The following PARP1 variants were observed in gnomAD, a reference collection of about 807,000 sequenced individuals.
PARP1 encodes the protein poly [ADP-ribose] polymerase 1.
Under a neutral mutation model 118.7 loss-of-function variants are expected in PARP1, and 44 were observed. That is an observed-to-expected ratio of 0.37 (90% confidence interval 0.29 to 0.48). PARP1 has a LOEUF of 0.48. Ranked by LOEUF, PARP1 falls within the 20% of genes least tolerant of loss-of-function variation. The pLI is 0.99. For missense variants in PARP1, 1,100 were observed against 1,272.4 expected (o/e 0.86, Z 2.06); for synonymous variants, 492 against 483.2 (o/e 1.02, Z -0.24).
chr1:226,397,703 T>A (rs1434940823), intron 2 of PARP1, among the ~76,000 whole-genome samples: 2 of 152,134 alleles, frequency 1.3e-5, no homozygotes, highest in Non-Finnish European at 2.9e-5. Context: ...TGCCGGCTTC[T>A]CCTCTGCCTT....
chr1:226,376,405 A>G (rs1244588158), intron 13 of PARP1, among the ~76,000 whole-genome samples: 1 of 152,214 alleles, frequency 6.6e-6, no homozygotes, highest in Non-Finnish European at 1.5e-5. Flanking sequence ...ACTAGGAAAT[A>G]ATTTGGGACT....
Position 226,379,469 on chromosome 1 carries a change from C to T in PARP1, c.1612+104G>A, listed in dbSNP as rs529477657. On this transcript the variant is annotated intron_variant, in intron 11 of 22. Coordinates refer to ENST00000366794, the MANE Select transcript of PARP1 (RefSeq NM_001618.4). Reference sequence around the variant, plus strand: ...GGCCTGAGTGAGGACAAAGGCACGACCACACTGCCCCAGGTATGCTGCGGG... The same window carrying T: ...GGCCTGAGTGAGGACAAAGGCACGATCACACTGCCCCAGGTATGCTGCGGG... The T allele has an allele frequency of 7.0e-6, 8 of 1,149,016 alleles. No individual in the cohort carries two copies. The East Asian group carries it at 1.2e-4, about 17-fold the overall frequency. 71.2% of individuals were successfully genotyped at this position (1,149,016 alleles called of 1,614,324 possible).
intron 1 of PARP1, among the ~76,000 whole-genome samples, chr1:226,405,214 A>T (rs1167803744): frequency 5.3e-5 from 8 of 152,260 alleles, no homozygotes; most frequent in Non-Finnish European, 1.0e-4. Flanking sequence ...TCACCATTAC[A>T]TAAAAATCAC....
At chr1:226,376,011 T>A (rs1442195088) in intron 13 of PARP1, among the ~76,000 whole-genome samples, 1 of 152,164 alleles carries the variant, frequency 6.6e-6, no homozygotes, top group Non-Finnish European at 1.5e-5. Context: ...TTAAAGTATT[T>A]AACTCAGTAA....
intron 3 of PARP1, among the ~76,000 whole-genome samples, chr1:226,391,206 C>T (rs1012798944): frequency 1.4e-4 from 21 of 151,998 alleles, no homozygotes; most frequent in African/African-American, 5.1e-4. Context: ...AGCAATACTC[C>T]TGCCTCAGCC....
rs920980615 is a variant in PARP1 at position 226,364,093 on chromosome 1, G to A, written c.2659-23C>T. On this transcript the variant is annotated intron_variant, in intron 19 of 22. Transcript: ENST00000366794. ...TGTCTGGAAGGTCGGAAAAGGGAGA[G>A]CTGAGAATCTTCTGATGGGAAATTA... The A allele has an allele frequency of 1.9e-6, 3 of 1,612,894 alleles. No individual in the cohort carries two copies. The African/African-American group carries it at 4.0e-5, about 22-fold the overall frequency.
At chr1:226,388,540 T>C in intron 5 of PARP1, 116 bp downstream of exon 5, 1 of 758,896 alleles carries the variant, frequency 1.3e-6, no homozygotes, top group Non-Finnish European at 2.4e-6. Context: ...ATAACTGCCA[T>C]CAATTTGCTA....
intron 2 of PARP1, among the ~76,000 whole-genome samples, chr1:226,399,443 C>G (rs1664985199): frequency 6.6e-6 from 1 of 151,990 alleles, no homozygotes; most frequent in South Asian, 2.1e-4. Context: ...CTGTATGATT[C>G]CAACTATATT....
intron 15 of PARP1, among the ~76,000 whole-genome samples, chr1:226,369,494 T>A (rs1365168932): frequency 1.3e-5 from 2 of 152,226 alleles, no homozygotes; most frequent in Non-Finnish European, 2.9e-5. Context: ...AAACTCTGCC[T>A]AACTCTTAAG....
chr1:226,376,797 C>T (rs559089708), intron 13 of PARP1, among the ~76,000 whole-genome samples: 1 of 152,288 alleles, frequency 6.6e-6, no homozygotes, highest in East Asian at 1.9e-4. Flanking sequence ...GTCTATGCTG[C>T]TGGATTCGGT....
rs1664833603 is a variant in PARP1 at position 226,392,220 on chromosome 1, C to G, written c.381G>C (p.Gly127=). Residue 127 remains glycine, a synonymous_variant, in exon 3 of 23, where the codon GGG becomes GGC. Transcript: ENST00000366794. ...TTACCTTTTCTATCTTCTCCATACA[C>G]CCCTTGCACGTACTTCTGTTGGACT... The part of the protein sequence containing the change: ...YAKSNRSTCK[G]CMEKIEKGQV... 1 of 1,612,294 alleles carries G rather than the reference C, an allele frequency of 6.2e-7. No individual in the cohort carries two copies. Among genetic ancestry groups the G allele is most frequent in the African/African-American group, 1.3e-5 (1 of 74,874 alleles).
At chr1:226,372,031 C>T (rs1246349094) in intron 14 of PARP1, among the ~76,000 whole-genome samples, 1 of 152,218 alleles carries the variant, frequency 6.6e-6, no homozygotes, top group East Asian at 1.9e-4. Context: ...TGGGGACCCA[C>T]GAGCCCCAGC....
At chr1:226,363,903 C>T in intron 20 of PARP1, 40 bp downstream of exon 20, 1 of 1,610,818 alleles carries the variant, frequency 6.2e-7, no homozygotes, top group Non-Finnish European at 8.5e-7. Flanking sequence ...TCCACCTGTC[C>T]CCATGAAATG....
chr1:226,384,458 C>A (rs1409112714), intron 7 of PARP1, among the ~76,000 whole-genome samples: 1 of 152,240 alleles, frequency 6.6e-6, no homozygotes. Context: ...CGCACATGCA[C>A]ATAACCTTTA....
At chr1:226,372,238 T>G (rs1379716931) in intron 14 of PARP1, among the ~76,000 whole-genome samples, 2 of 152,232 alleles carry the variant, frequency 1.3e-5, no homozygotes, top group African/African-American at 2.4e-5. Flanking sequence ...CAATCCCACG[T>G]GGACCCCGCT....
chr1:226,365,005 G>A lies in PARP1; in HGVS notation c.2655C>T (p.Pro885=), dbSNP rs373903460. ...QGLRIAPPEA[P]VTGYMFGKGI... is the part of the protein sequence containing the mutation. ...CCTCGCCAGGCCAGGCACATACCACGGGCGCTTCAGGCGGGGCTATCCGAA... is the reference window on the plus strand; with the variant it reads ...CCTCGCCAGGCCAGGCACATACCACAGGCGCTTCAGGCGGGGCTATCCGAA... The change falls in exon 19 of 23, where the codon CCC becomes CCT. Residue 885 remains proline (P), a synonymous_variant. Transcript: ENST00000366794. The A allele has an allele frequency of 4.3e-6, 7 of 1,613,792 alleles. No individual in the cohort carries two copies. Among genetic ancestry groups the A allele is most frequent in the South Asian group, 1.1e-5 (1 of 91,064 alleles).
chr1:226,373,630 A>C lies in PARP1; in HGVS notation c.2070+596T>G, dbSNP rs560064960. On this transcript the variant is annotated intron_variant, in intron 14 of 22. Coordinates refer to ENST00000366794, the MANE Select transcript of PARP1 (RefSeq NM_001618.4). ...CAGAAGCATGACTAATCCAGCAACC[A>C]CCACCCCCACCCCACTGCCAACCTT... 1.6e-3 allele frequency among the ~76,000 whole-genome samples: 244 copies of C among 152,158 alleles called. 2 individuals carry two copies. The highest frequency in any genetic ancestry group is 5.2e-3 in the African/African-American group (215 of 41,510).
At chr1:226,364,393 C>G (rs1174247670) in intron 19 of PARP1, 2 of 360,068 alleles carry the variant, frequency 5.6e-6, no homozygotes, top group Admixed American at 7.4e-5. Context: ...CTTAAACTAG[C>G]GCCTGTCAAC....
At chr1:226,392,598 A>T (rs1664840968) in intron 2 of PARP1, 2 of 547,122 alleles carry the variant, frequency 3.7e-6, no homozygotes, top group Non-Finnish European at 6.5e-6. Flanking sequence ...CTTTCTCTGG[A>T]GGCCCCTCCC....
Sources: allele counts gnomAD v4.1 joint callset (sites outside exome capture counted in the v4.1 genomes callset), GRCh38; gene constraint gnomAD v4.1.1; transcripts MANE v1.5; gene names NCBI Gene and HGNC (gene_info 2026-07-23, HGNC 2026-07-21).